The following FOXD4 variants were observed in gnomAD, a reference collection of about 807,000 sequenced individuals.
FOXD4 encodes the protein forkhead box protein D4.
In FOXD4, 22 loss-of-function variants were observed where a neutral mutation model predicts 26.5. That is an observed-to-expected ratio of 0.83 (90% confidence interval 0.59 to 1.18). FOXD4 has a LOEUF of 1.18. FOXD4 is among the 50% of genes most tolerant of loss of function. The pLI is 0.00. For missense variants in FOXD4, 625 were observed against 605.8 expected, an observed-to-expected ratio of 1.03 and a Z score of -0.33; for synonymous variants, 258 against 273.7, an observed-to-expected ratio of 0.94 and a Z score of 0.57.
chr9:117,433 T>C lies in FOXD4; in HGVS notation c.687A>G (p.Pro229=). The change falls in exon 1 of 1, where the codon CCA becomes CCG. Residue 229 remains proline (P), a synonymous_variant. Coordinates refer to ENST00000382500, the MANE Select transcript of FOXD4 (RefSeq NM_207305.5). ...GGGCAGGGGCCCCAAGCAGAGGGCC[T>C]GGGCGGGGGTTGTGCAGGGCGGCGT... is the stretch of plus-strand genomic sequence containing the variant. ...AAHAALHNPR[P]GPLLGAPAPP... is the part of the protein sequence containing the mutation. 1 of 1,590,482 alleles carries C rather than the reference T, an allele frequency of 6.3e-7. No homozygotes were observed.
chr9:117,657 T>A lies in FOXD4; in HGVS notation c.463A>T (p.Asn155Tyr), dbSNP rs1217581506. The change falls in exon 1 of 1, where the codon AAC becomes TAC. Residue 155 changes from asparagine to tyrosine, a missense_variant. Coordinates refer to ENST00000382500, the MANE Select transcript of FOXD4 (RefSeq NM_207305.5). ...FPAWQNSIRH[N>Y]LSLNDCFVKI... is the part of the protein sequence containing the mutation. ...ACGAAGCAGTCGTTCAGCGAGAGGTTGTGGCGGATGCTGTTCTGCCAGGCG... is the reference window on the plus strand; with the variant it reads ...ACGAAGCAGTCGTTCAGCGAGAGGTAGTGGCGGATGCTGTTCTGCCAGGCG... 1.2e-6 allele frequency: 2 copies of A among 1,613,672 alleles called. No homozygotes were observed. Among genetic ancestry groups the A allele is most frequent in the South Asian group, 2.2e-5 (2 of 91,062 alleles).
chr9:116,666 T>G lies in FOXD4; in HGVS notation c.*134A>C. On this transcript the variant is annotated 3_prime_UTR_variant, in exon 1 of 1. Transcript: ENST00000382500. ...GGTTTTTAGAGGAACGTAATCCAGC[T>G]GTTTCTTTCTAACCATTTTGCAGGG... is the stretch of plus-strand genomic sequence containing the variant. The G allele has an allele frequency of 1.4e-6, 2 of 1,391,674 alleles. No homozygotes were observed. Among genetic ancestry groups the G allele is most frequent in the Non-Finnish European group, 2.0e-6 (2 of 1,023,988 alleles). 86.2% of individuals were successfully genotyped at this position (1,391,674 alleles called of 1,614,324 possible). A position where few individuals can be genotyped will look rare whatever the true frequency, so the allele number is the denominator to read the frequency against.
Position 118,274 on chromosome 9 carries a change from A to G in FOXD4, c.-155T>C. On this transcript the variant is annotated 5_prime_UTR_variant, in exon 1 of 1. Coordinates refer to ENST00000382500, the MANE Select transcript of FOXD4 (RefSeq NM_207305.5). ...CCTCTGCTTGTTTCTACGCCTTTGC[A>G]ACAACGTCCGGCAAAGATGCCTTCG... 6.6e-7 allele frequency: 1 copy of G among 1,515,084 alleles called. No individual in the cohort carries two copies. The highest frequency in any genetic ancestry group is 9.0e-7 in the Non-Finnish European group (1 of 1,113,866). 93.9% of individuals were successfully genotyped at this position (1,515,084 alleles called of 1,614,324 possible). A position where few individuals can be genotyped will look rare whatever the true frequency, so the allele number is the denominator to read the frequency against.
rs1273678957 is a variant in FOXD4 at position 117,183 on chromosome 9, G to A, written c.937C>T (p.His313Tyr). ...LGRRARVWRR[H>Y]READASLSAL... ...GAAAGAGATGCATCCGCCTCCCGGT[G>A]GCGACGCCAGACCCTTGCCCTCCTC... is the stretch of plus-strand genomic sequence containing the variant. Residue 313 changes from histidine to tyrosine, a missense_variant, in exon 1 of 1, where the codon CAC becomes TAC. This residue lies in a region of FOXD4 where 92 missense variants were observed against 144.2 expected (regional missense o/e 0.64). Coordinates refer to ENST00000382500, the MANE Select transcript of FOXD4 (RefSeq NM_207305.5). 7.4e-6 allele frequency: 12 copies of A among 1,610,978 alleles called. No homozygotes were observed. In the South Asian group the frequency reaches 1.3e-4, roughly 18 times the overall value.
At position 117,592 on chromosome 9, in the gene FOXD4, G is replaced by T; in HGVS notation, c.528C>A (p.Asn176Lys). The change falls in exon 1 of 1, where the codon AAC (asparagine) becomes AAA (lysine). Residue 176 changes from asparagine (N) to lysine (K), a missense_variant. By Grantham distance (94) the Asn-to-Lys change is moderately conservative. Around this residue, in one of 3 missense-constraint regions of FOXD4, gnomAD observed 399 missense variants for 329.4 expected, o/e 1.21. Coordinates refer to ENST00000382500, the MANE Select transcript of FOXD4 (RefSeq NM_207305.5). The stretch of plus-strand genomic sequence containing the variant: ...GGGAGGCGGGGTCCAGGCTCCAGTA[G>T]TTGCCCTTGCCTGGGCGGCCCGGCT... Reference protein sequence around the residue: ...PREPGRPGKGNYWSLDPASQD... With the variant: ...PREPGRPGKGKYWSLDPASQD... 1 of 1,613,872 alleles carries T rather than the reference G, an allele frequency of 6.2e-7. No individual in the cohort carries two copies.
chr9:117,279 C>T lies in FOXD4; in HGVS notation c.841G>A (p.Ala281Thr). Residue 281 changes from alanine (A) to threonine (T), a missense_variant, in exon 1 of 1, where the codon GCA becomes ACA. This residue lies in a region of FOXD4 where 92 missense variants were observed against 144.2 expected (regional missense o/e 0.64). Coordinates refer to ENST00000382500, the MANE Select transcript of FOXD4 (RefSeq NM_207305.5). ...APAYAGAPKK[A>T]EGADLATPAP... is the part of the protein sequence containing the mutation. ...GGGGTCGCCAGGTCCGCGCCTTCTGCTTTCTTCGGTGCCCCGGCATAGGCG... is the reference window on the plus strand; with the variant it reads ...GGGGTCGCCAGGTCCGCGCCTTCTGTTTTCTTCGGTGCCCCGGCATAGGCG... 1 of 1,605,854 alleles carries T rather than the reference C, an allele frequency of 6.2e-7. No homozygotes were observed. Among genetic ancestry groups the T allele is most frequent in the Non-Finnish European group, 8.5e-7 (1 of 1,179,822 alleles).
In FOXD4 at chr9:118,156, G is replaced by T. The variant is rs1424396562; in HGVS notation, c.-37C>A. ...TGCTTCAGTCGCAGGGGATGTGGCG[G>T]CCGGATCACCTGGCCCCGGCGGGCT... is the stretch of plus-strand genomic sequence containing the variant. On this transcript the variant is annotated 5_prime_UTR_variant, in exon 1 of 1. Coordinates refer to ENST00000382500, the MANE Select transcript of FOXD4 (RefSeq NM_207305.5). The T allele has an allele frequency of 6.4e-7, 1 of 1,574,002 alleles. No individual in the cohort carries two copies.
Position 117,273 on chromosome 9 carries a change from C to A in FOXD4, c.847G>T (p.Gly283Cys). The change falls in exon 1 of 1, where the codon GGC becomes TGC. Residue 283 changes from glycine to cysteine, a missense_variant. Coordinates refer to ENST00000382500, the MANE Select transcript of FOXD4 (RefSeq NM_207305.5). ...AYAGAPKKAE[G>C]ADLATPAPFP... is the part of the protein sequence containing the mutation. ...GGTGCCGGGGTCGCCAGGTCCGCGC[C>A]TTCTGCTTTCTTCGGTGCCCCGGCA... is the stretch of plus-strand genomic sequence containing the variant. 2 of 1,606,214 alleles carry A rather than the reference C, an allele frequency of 1.2e-6. No individual in the cohort carries two copies. The highest frequency in any genetic ancestry group is 1.3e-5 in the African/African-American group (1 of 74,944).
Position 117,428 on chromosome 9 carries a change from G to T in FOXD4, c.692C>A (p.Pro231His). The T allele has an allele frequency of 6.3e-7, 1 of 1,595,614 alleles. No homozygotes were observed. The highest frequency in any genetic ancestry group is 8.5e-7 in the Non-Finnish European group (1 of 1,178,364). ...CGGCGGGGCAGGGGCCCCAAGCAGA[G>T]GGCCTGGGCGGGGGTTGTGCAGGGC... The part of the protein sequence containing the change: ...HAALHNPRPG[P>H]LLGAPAPPQP... The change falls in exon 1 of 1, where the codon CCT (proline) becomes CAT (histidine). Residue 231 changes from proline (P) to histidine (H), a missense_variant. Physicochemically the swap from Pro to His is moderately conservative, Grantham distance 77. Coordinates refer to ENST00000382500, the MANE Select transcript of FOXD4 (RefSeq NM_207305.5).
Position 117,344 on chromosome 9 carries a change from A to C in FOXD4, c.776T>G (p.Leu259Arg), listed in dbSNP as rs535943608. The change falls in exon 1 of 1, where the codon CTG becomes CGG. Residue 259 changes from leucine to arginine, a missense_variant. This residue lies in a region of FOXD4 where 92 missense variants were observed against 144.2 expected (regional missense o/e 0.64). Transcript: ENST00000382500. ...TAGGTAGCGAGGAGGATGCGGGTGCAGCAGAGCGTAAGGGCGTCTCCCGGG... is the reference window on the plus strand; with the variant it reads ...TAGGTAGCGAGGAGGATGCGGGTGCCGCAGAGCGTAAGGGCGTCTCCCGGG... ...TGPGRRPYALLHPHPPRYLLL... is the reference protein window; with the variant it reads ...TGPGRRPYALRHPHPPRYLLL... 6.2e-4 allele frequency: 990 copies of C among 1,594,374 alleles called. 6 individuals carry two copies. The African/African-American group carries it at 0.012, about 20-fold the overall frequency.
Position 117,690 on chromosome 9 carries a change from T to C in FOXD4, c.430A>G (p.Lys144Glu). Residue 144 changes from lysine (K) to glutamate (E), a missense_variant, in exon 1 of 1, where the codon AAG (lysine) becomes GAG (glutamate). By Grantham distance (56) the Lys-to-Glu change is moderately conservative (BLOSUM62 1). Transcript: ENST00000382500. ...ATGCTGTTCTGCCAGGCGGGGAACT[T>C]GCGGCGGTAGTAGGGGAAGCGGTCA... ...ISDRFPYYRR[K>E]FPAWQNSIRH... 6.2e-7 allele frequency: 1 copy of C among 1,612,906 alleles called. No homozygotes were observed. The highest frequency in any genetic ancestry group is 8.5e-7 in the Non-Finnish European group (1 of 1,179,754).
Position 117,428 on chromosome 9 carries a change from G to C in FOXD4, c.692C>G (p.Pro231Arg), listed in dbSNP as rs4742643. ...HAALHNPRPG[P>R]LLGAPAPPQP... is the part of the protein sequence containing the mutation. Reference sequence around the variant, plus strand: ...CGGCGGGGCAGGGGCCCCAAGCAGAGGGCCTGGGCGGGGGTTGTGCAGGGC... The same window carrying C: ...CGGCGGGGCAGGGGCCCCAAGCAGACGGCCTGGGCGGGGGTTGTGCAGGGC... The change falls in exon 1 of 1, where the codon CCT becomes CGT. Residue 231 changes from proline to arginine, a missense_variant. By Grantham distance (103) the Pro-to-Arg change is moderately radical. This residue lies in a region of FOXD4 where 399 missense variants were observed against 329.4 expected (regional missense o/e 1.21). Coordinates refer to ENST00000382500, the MANE Select transcript of FOXD4 (RefSeq NM_207305.5). 425,534 of 1,593,312 alleles carry C rather than the reference G, an allele frequency of 0.27. 39,454 individuals are homozygous for C. Among genetic ancestry groups the C allele is most frequent in the East Asian group, 0.3 (13,193 of 44,544 alleles).
In FOXD4 at chr9:118,145, G is replaced by C. The variant is rs779781290; in HGVS notation, c.-26C>G. 1.5e-4 allele frequency: 233 copies of C among 1,605,534 alleles called. No individual in the cohort carries two copies. Among genetic ancestry groups the C allele is most frequent in the Non-Finnish European group, 1.9e-4 (229 of 1,178,048 alleles). On this transcript the variant is annotated 5_prime_UTR_variant, in exon 1 of 1. Coordinates refer to ENST00000382500, the MANE Select transcript of FOXD4 (RefSeq NM_207305.5). ...GGCGGAGCAGGTGCTTCAGTCGCAG[G>C]GGATGTGGCGGCCGGATCACCTGGC...
In FOXD4 at chr9:116,530, C is replaced by T. The variant is rs1428654122; in HGVS notation, c.*270G>A. 1.7e-5 allele frequency: 10 copies of T among 588,874 alleles called. No homozygotes were observed. In the East Asian group the frequency reaches 2.6e-4, roughly 16 times the overall value. 36.5% of individuals were successfully genotyped at this position (588,874 alleles called of 1,614,324 possible). On this transcript the variant is annotated 3_prime_UTR_variant, in exon 1 of 1. Coordinates refer to ENST00000382500, the MANE Select transcript of FOXD4 (RefSeq NM_207305.5). ...TTCTTTTAATGCCAGAACAAAATAC[C>T]CCACTCACGTTCATAGTACCCCAGG...
At position 117,933 on chromosome 9, in the gene FOXD4, C is replaced by T. The variant is rs371037030; in HGVS notation, c.187G>A (p.Val63Ile). The T allele has an allele frequency of 8.7e-6, 14 of 1,611,800 alleles. No homozygotes were observed. The African/African-American group carries it at 1.1e-4, about 12-fold the overall frequency. ...TCGATGTGCTCTCGGGGAAGCGCAA[C>T]CCCGCCCCACCGGGCCACCTGCAGC... ...PGLQVARWGG[V>I]ALPREHIEGG... The change falls in exon 1 of 1, where the codon GTT (valine) becomes ATT (isoleucine). Residue 63 changes from valine (V) to isoleucine (I), a missense_variant. Transcript: ENST00000382500.
At position 118,075 on chromosome 9, in the gene FOXD4, G is replaced by A. The variant is rs1381727720; in HGVS notation, c.45C>T (p.Arg15=). 3 of 1,611,910 alleles carry A rather than the reference G, an allele frequency of 1.9e-6. No individual in the cohort carries two copies. Among genetic ancestry groups the A allele is most frequent in the Non-Finnish European group, 2.5e-6 (3 of 1,179,862 alleles). ...RAERLRSTPQ[R]SLRDSDGEDG... ...CTTCCCCATCGGAGTCCCGGAGGCT[G>A]CGCTGCGGTGTGGAGCGAAGGCGCT... The change falls in exon 1 of 1, where the codon CGC becomes CGT. Residue 15 remains arginine, a synonymous_variant. Transcript: ENST00000382500.
rs1451958419 is a variant in FOXD4, at chr9:118,087, G to T, written c.33C>A (p.Ser11=). 1 of 1,611,988 alleles carries T rather than the reference G, an allele frequency of 6.2e-7. No individual in the cohort carries two copies. Among genetic ancestry groups the T allele is most frequent in the Admixed American group, 1.7e-5 (1 of 60,020 alleles). MNLPRAERLR[S]TPQRSLRDSD... ...AGTCCCGGAGGCTGCGCTGCGGTGT[G>T]GAGCGAAGGCGCTCAGCTCTTGGCA... Residue 11 remains serine (S), a synonymous_variant, in exon 1 of 1, where the codon TCC becomes TCA. Transcript: ENST00000382500.
Position 116,606 on chromosome 9 carries a change from G to A in FOXD4, c.*194C>T, listed in dbSNP as rs1002229110. 4.4e-5 allele frequency: 44 copies of A among 1,000,502 alleles called. No individual in the cohort carries two copies. In the African/African-American group the frequency reaches 6.7e-4, roughly 15 times the overall value. The allele number at this position is 1,000,502 out of a possible 1,614,324, so 62.0% of individuals were successfully genotyped here. ...GAAGCCACAACCGAAGGCAAGAAAA[G>A]ATGACTTGACGCCCTGCGAAGGTTA... On this transcript the variant is annotated 3_prime_UTR_variant, in exon 1 of 1. Coordinates refer to ENST00000382500, the MANE Select transcript of FOXD4 (RefSeq NM_207305.5).
rs1197370071 is a variant in FOXD4 at position 117,745 on chromosome 9, G to C, written c.375C>G (p.Leu125=). The change falls in exon 1 of 1, where the codon CTC becomes CTG. Residue 125 remains leucine, a synonymous_variant. Transcript: ENST00000382500. The part of the protein sequence containing the change: ...MAILQSPHKR[L]TLSGICAFIS... ...TGAAGGCGCAGATGCCGCTGAGCGT[G>C]AGGCGCTTGTGCGGGCTTTGCAGGA... 3.1e-6 allele frequency: 5 copies of C among 1,613,142 alleles called. No individual in the cohort carries two copies. Among genetic ancestry groups the C allele is most frequent in the African/African-American group, 1.3e-5 (1 of 74,854 alleles).
Sources: gnomAD v4.1 joint callset for allele counts on GRCh38, gnomAD v4.1.1 for gene constraint, gnomAD v4.1.1 regional missense constraint, MANE v1.5 for transcripts, NCBI Gene and HGNC (gene_info 2026-07-23, HGNC 2026-07-21) for gene names.